The following SP110 variants were observed in gnomAD, a reference collection of about 807,000 sequenced individuals.
SP110 encodes SP110 nuclear body protein, also known as interferon-induced protein 41, 30kD.
A neutral mutation model predicts 92.7 loss-of-function variants in SP110; 62 were observed. The ratio of observed to expected loss-of-function variants is 0.67; its 90% CI spans 0.55 to 0.83. The LOEUF is 0.83. Among genes scored for constraint, SP110 ranks in the 40% least tolerant of loss-of-function variants. The pLI is 0.00. For synonymous variants in SP110, 273 were observed against 305.3 expected, an observed-to-expected ratio of 0.89 and a Z score of 1.10; for missense variants, 793 against 863.9, an observed-to-expected ratio of 0.92 and a Z score of 1.03.
At position 230,202,700 on chromosome 2, in the gene SP110, T is replaced by C. The variant is rs2148861745; in HGVS notation, c.927A>G (p.Gln309=). The part of the protein sequence containing the change: ...GGTASSRHGI[Q]KKLKRVDQVP... ...CCTGATCCACCCTTTTGAGCTTCTT[T>C]TGGATTCCGTGTCTAGATGAGGCTG... Residue 309 remains glutamine (Q), a synonymous_variant, in exon 9 of 19, where the codon CAA becomes CAG. Coordinates refer to ENST00000258381, the MANE Select transcript of SP110 (RefSeq NM_080424.4). 6.2e-7 allele frequency: 1 copy of C among 1,614,182 alleles called. No individual in the cohort carries two copies. Among genetic ancestry groups the C allele is most frequent in the Non-Finnish European group, 8.5e-7 (1 of 1,180,012 alleles).
intron 14 of SP110, chr2:230,176,583 G>C: frequency 6.2e-7 from 1 of 1,611,844 alleles, no homozygotes; most frequent in South Asian, 1.1e-5. Flanking sequence ...AGGTGACTCA[G>C]AGCTTGGAAA....
intron 8 of SP110, among the ~76,000 whole-genome samples, chr2:230,205,673 T>C (rs1254451080): frequency 6.6e-6 from 1 of 152,194 alleles, no homozygotes; most frequent in African/African-American, 2.4e-5. Flanking sequence ...TTGGAATAAA[T>C]GTCTGAATGG....
At position 230,177,597 on chromosome 2, in the gene SP110, C is replaced by T. The variant is rs745817983; in HGVS notation, c.1531G>A (p.Ala511Thr). The change falls in exon 14 of 19, where the codon GCA becomes ACA. Residue 511 changes from alanine to threonine, a missense_variant. Transcript: ENST00000258381. The part of the protein sequence containing the change: ...EFEVEGKGRN[A>T]KNWKRNIRCE... ...CGTATATTCCGTTTCCAGTTCTTTG[C>T]GTTCCTTCCTTTTCCTTCGACTTCA... is the stretch of plus-strand genomic sequence containing the variant. The T allele has an allele frequency of 2.2e-5, 36 of 1,613,864 alleles. No homozygotes were observed. In the Admixed American group the frequency reaches 2.3e-4, roughly 10 times the overall value.
At chr2:230,217,064 G>T (rs2045272304) in intron 1 of SP110, 136 bp from the exon 2 acceptor site, 1 of 659,118 alleles carries the variant, frequency 1.5e-6, no homozygotes, top group Non-Finnish European at 2.6e-6. Flanking sequence ...TGGCCAACAT[G>T]GTGAAACTCT....
chr2:230,182,799 C>T (rs13390432), intron 12 of SP110, among the ~76,000 whole-genome samples: 4,105 of 152,270 alleles, frequency 0.027, 190 homozygotes, highest in African/African-American at 0.093. Context: ...TACACCAGTG[C>T]TACTCAGTGC....
chr2:230,188,501 TG>T (rs1235351480), intron 10 of SP110, among the ~76,000 whole-genome samples: 1 of 152,194 alleles, frequency 6.6e-6, no homozygotes, highest in Non-Finnish European at 1.5e-5. Flanking sequence ...CTGATTGTTC[TG>T]GCTAGGACTT....
rs1470098008 is a variant in SP110, at chr2:230,172,860, G to C, written c.1690C>G (p.Pro564Ala). ...CCCACTCACCTCTTGGCTTCCACAGGGGGGATGTGACAGTCCTCATGGAAG... is the reference window on the plus strand; with the variant it reads ...CCCACTCACCTCTTGGCTTCCACAGCGGGGATGTGACAGTCCTCATGGAAG... ...RVFHEDCHIP[P>A]VEAKRMLWSC... is the part of the protein sequence containing the mutation. Residue 564 changes from proline (P) to alanine (A), a missense_variant, in exon 15 of 19, where the codon CCT becomes GCT. By Grantham distance (27) the Pro-to-Ala change is conservative. Coordinates refer to ENST00000258381, the MANE Select transcript of SP110 (RefSeq NM_080424.4). The C allele has an allele frequency of 1.2e-6, 2 of 1,613,328 alleles. No homozygotes were observed. Among genetic ancestry groups the C allele is most frequent in the Admixed American group, 1.7e-5 (1 of 60,022 alleles).
In SP110 at chr2:230,165,324, A is replaced by G. The variant is rs765959644; in HGVS notation, c.*3800T>C. On this transcript the variant is annotated 3_prime_UTR_variant, in exon 19 of 19. Transcript: ENST00000258381. ...TTCAAATTACTTAAAGACACACTTC[A>G]GTTGACTGAAAGGCAGAGCAAAAAG... Among the ~76,000 whole-genome samples the G allele has an allele frequency of 3.3e-5, 5 of 152,276 alleles. No individual in the cohort carries two copies. The highest frequency in any genetic ancestry group is 7.3e-5 in the Non-Finnish European group (5 of 68,052).
exon 1 of SP110, chr2:230,225,571 T>C: frequency 3.8e-6 from 2 of 526,368 alleles, no homozygotes; most frequent in Non-Finnish European, 3.4e-6. Flanking sequence ...TTGAATGACT[T>C]TTCCACCCTC....
intron 11 of SP110, among the ~76,000 whole-genome samples, chr2:230,184,364 T>G (rs192553912): frequency 3.2e-4 from 49 of 152,036 alleles, no homozygotes; most frequent in Non-Finnish European, 5.7e-4. Flanking sequence ...TGGGTGATTT[T>G]GCTCTCAGGG....
At chr2:230,224,538 G>A (rs1213257501), upstream of SP110, among the ~76,000 whole-genome samples, 1 of 151,402 alleles carries the variant, frequency 6.6e-6, no homozygotes, top group Admixed American at 6.6e-5. Context: ...AGAGAGGAGA[G>A]AGAGAGAGAT....
intron 10 of SP110, among the ~76,000 whole-genome samples, chr2:230,196,544 A>T (rs1966554): frequency 0.83 from 124,895 of 150,418 alleles, 51,905 homozygotes; most frequent in East Asian, 0.99. Context: ...TCTTTTTTTT[A>T]AAATTTTATT....
intron 14 of SP110, 192 bp from the exon 15 acceptor site, chr2:230,173,151 G>T: frequency 1.7e-6 from 1 of 576,592 alleles, no homozygotes; most frequent in Non-Finnish European, 3.2e-6. Context: ...AGAGAGTCTG[G>T]GTGGTGACCG....
chr2:230,172,805 G>A (rs965757797), intron 15 of SP110, 39 bp downstream of exon 15: 2 of 1,340,844 alleles, frequency 1.5e-6, no homozygotes, highest in Non-Finnish European at 2.1e-6. Context: ...ATCTGGAGGT[G>A]AGTGCTGTGT....
At chr2:230,169,906 C>G (rs1360056457) in intron 18 of SP110, among the ~76,000 whole-genome samples, 1 of 152,156 alleles carries the variant, frequency 6.6e-6, no homozygotes, top group Non-Finnish European at 1.5e-5. Context: ...TCTGGTCAAC[C>G]CTTTCTCCCT....
chr2:230,167,993 C>T lies in SP110; in HGVS notation c.*1131G>A, dbSNP rs1309815705. Reference sequence around the variant, plus strand: ...GGGGAACTTGCACATGCCTGTAATCCCAGCTACTCGGAGGCTGAGGCAGGA... The same window carrying T: ...GGGGAACTTGCACATGCCTGTAATCTCAGCTACTCGGAGGCTGAGGCAGGA... On this transcript the variant is annotated 3_prime_UTR_variant, in exon 19 of 19. Coordinates refer to ENST00000258381, the MANE Select transcript of SP110 (RefSeq NM_080424.4). 2 of 151,400 alleles carry T rather than the reference C, an allele frequency of 1.3e-5. No homozygotes were observed. Among genetic ancestry groups the T allele is most frequent in the Non-Finnish European group, 2.9e-5 (2 of 67,876 alleles). The allele number at this position is 151,400 out of a possible 1,614,324, so 9.4% of individuals were successfully genotyped here. A position where few individuals can be genotyped will look rare whatever the true frequency, so the allele number is the denominator to read the frequency against.
chr2:230,204,837 A>C (rs1322027521), intron 8 of SP110, among the ~76,000 whole-genome samples: 1 of 152,218 alleles, frequency 6.6e-6, no homozygotes, highest in East Asian at 1.9e-4. Context: ...AGATAACTAA[A>C]CATTTATGGG....
At chr2:230,222,984 C>A (rs1456239820), upstream of SP110, among the ~76,000 whole-genome samples, 1 of 151,794 alleles carries the variant, frequency 6.6e-6, no homozygotes, top group Non-Finnish European at 1.5e-5. Flanking sequence ...GGTATGCTAG[C>A]CACCAAGATC....
chr2:230,175,945 C>CTTTTTTTTTTTTTTTTT (rs34906767), intron 14 of SP110, among the ~76,000 whole-genome samples: 26 of 130,760 alleles, frequency 2.0e-4, no homozygotes, highest in Admixed American at 3.9e-4. Flanking sequence ...CTGCAGCATT[C>CTTTTTTTTTTTTTTTTT]TTTTTTTTTT....
Sources: gnomAD v4.1 joint callset for allele counts (sites outside exome capture counted in the v4.1 genomes callset) on GRCh38, gnomAD v4.1.1 for gene constraint, MANE v1.5 for transcripts, NCBI Gene and HGNC (gene_info 2026-07-23, HGNC 2026-07-21) for gene names.